Variants in UHRF1 observed in about 807,000 individuals in gnomAD.
UHRF1 encodes the protein ubiquitin like with PHD and ring finger domains 1.
In UHRF1, 9 loss-of-function variants were observed where a neutral mutation model predicts 96.5. That is an observed-to-expected ratio of 0.09 (90% CI 0.06 to 0.16). UHRF1 has a LOEUF of 0.16. UHRF1 is among the 10% of genes least tolerant of loss of function. The pLI, the probability that UHRF1 is intolerant of heterozygous loss-of-function variation, is 1.00. For missense variants in UHRF1, 626 were observed against 1,131.1 expected (o/e 0.55, Z 6.40); for synonymous variants, 455 against 469.9 (o/e 0.97, Z 0.41).
chr19:4,907,263 C>A (rs2032083156), upstream of UHRF1, among the ~76,000 whole-genome samples: 1 of 152,106 alleles, frequency 6.6e-6, no homozygotes, highest in Admixed American at 6.6e-5. Context: ...GCACACACCA[C>A]CCTGCCCAGC....
At chr19:4,941,445 G>T in intron 5 of UHRF1, 83 bp from the exon 6 acceptor site, 1 of 1,087,278 alleles carries the variant, frequency 9.2e-7, no homozygotes, top group Non-Finnish European at 1.4e-6. Context: ...CAGGCATCCC[G>T]AGAACCCGTG....
At position 4,909,528 on chromosome 19, in the gene UHRF1, G is replaced by C; in HGVS notation, c.-138G>C. 1 of 659,016 alleles carries C rather than the reference G, an allele frequency of 1.5e-6. No individual in the cohort carries two copies. Among genetic ancestry groups the C allele is most frequent in the South Asian group, 1.6e-5 (1 of 63,656 alleles). The allele number at this position is 659,016 out of a possible 1,614,324, so 40.8% of individuals were successfully genotyped here. A position where few individuals can be genotyped will look rare whatever the true frequency, so the allele number is the denominator to read the frequency against. ...AGCAGCTGGCAGCGCGGCGGGCAGC[G>C]TTTGCCGAGCGGGCGCTCCGGGTCG... On this transcript the variant is annotated 5_prime_UTR_variant, in exon 1 of 17. Coordinates refer to ENST00000650932, the MANE Select transcript of UHRF1 (RefSeq NM_001048201.3).
intron 13 of UHRF1, among the ~76,000 whole-genome samples, chr19:4,952,555 A>G (rs901788459): frequency 4.0e-5 from 6 of 148,746 alleles, no homozygotes; most frequent in Admixed American, 4.0e-4. Context: ...CACCATGCCC[A>G]GCTATTTTTG....
At chr19:4,928,884 CA>C in intron 2 of UHRF1, among the ~76,000 whole-genome samples, 1 of 152,340 alleles carries the variant, frequency 6.6e-6, no homozygotes, top group East Asian at 1.9e-4. Flanking sequence ...TTCACTGTCA[CA>C]AAAGCTGCCG....
At chr19:4,931,429 A>G (rs1328182391) in intron 4 of UHRF1, among the ~76,000 whole-genome samples, 1 of 150,960 alleles carries the variant, frequency 6.6e-6, no homozygotes. Flanking sequence ...GGTGCCCGCC[A>G]CCACACCCAG....
At position 4,930,163 on chromosome 19, in the gene UHRF1, C is replaced by T. The variant is rs1312598214; in HGVS notation, c.409-553C>T. Among the ~76,000 whole-genome samples the T allele has an allele frequency of 3.3e-5, 5 of 152,032 alleles. No individual in the cohort carries two copies. Among genetic ancestry groups the T allele is most frequent in the Non-Finnish European group, 5.9e-5 (4 of 68,012 alleles). Reference sequence around the variant, plus strand: ...CTAATTTTTGTATTTTTTGTAGAGACGGGATTTCGCCATGTTGGCCAGGCT... The same window carrying T: ...CTAATTTTTGTATTTTTTGTAGAGATGGGATTTCGCCATGTTGGCCAGGCT... On this transcript the variant is annotated intron_variant, in intron 3 of 16. Coordinates refer to ENST00000650932, the MANE Select transcript of UHRF1 (RefSeq NM_001048201.3). This position sits in a 1 kb window ranked among gnomAD's most constrained non-coding sequence, Gnocchi z 4.4.
intron 4 of UHRF1, among the ~76,000 whole-genome samples, chr19:4,931,714 G>A (rs1478645786): frequency 8.6e-5 from 13 of 151,880 alleles, no homozygotes; most frequent in African/African-American, 2.4e-4. Flanking sequence ...TGTTCCGCCC[G>A]CCTCAGCCTC....
At chr19:4,909,820 G>A (rs2032180616) in intron 1 of UHRF1, 165 bp downstream of exon 1, 2 of 424,790 alleles carry the variant, frequency 4.7e-6, no homozygotes, top group Non-Finnish European at 4.1e-6. Context: ...ATCGTTCCCC[G>A]GCACACATCC....
In UHRF1 at chr19:4,910,949, C is replaced by T. The variant is rs1482287015; in HGVS notation, c.64C>T (p.Leu22=). ...CCACACGGTGGACTCGCTGTCCAGG[C>T]TGACCAAGGTGGAGGAGCTGAGGCG... ...QTHTVDSLSR[L]TKVEELRRKI... The change falls in exon 2 of 17, where the codon CTG becomes TTG. Residue 22 remains leucine, a synonymous_variant. Coordinates refer to ENST00000650932, the MANE Select transcript of UHRF1 (RefSeq NM_001048201.3). The T allele has an allele frequency of 1.9e-6, 3 of 1,613,700 alleles. No individual in the cohort carries two copies. The highest frequency in any genetic ancestry group is 1.7e-4 in the Middle Eastern group (1 of 6,056).
chr19:4,928,232 C>T (rs534544667), intron 2 of UHRF1, among the ~76,000 whole-genome samples: 3 of 152,134 alleles, frequency 2.0e-5, no homozygotes, highest in Admixed American at 6.5e-5. Flanking sequence ...AGGATGGCTC[C>T]GCCCCAGAGA....
chr19:4,948,920 G>A (rs1270445809), intron 11 of UHRF1, among the ~76,000 whole-genome samples: 11 of 128,634 alleles, frequency 8.6e-5, no homozygotes, highest in East Asian at 2.2e-4. Context: ...TCAGGAGATC[G>A]AAACCATCCT....
chr19:4,928,440 C>T (rs1255454892), intron 2 of UHRF1, among the ~76,000 whole-genome samples: 1 of 152,138 alleles, frequency 6.6e-6, no homozygotes, highest in East Asian at 1.9e-4. Flanking sequence ...CCCCCAGATA[C>T]AGCTCAGGTG....
intron 7 of UHRF1, among the ~76,000 whole-genome samples, chr19:4,943,461 C>A (rs2033467644): frequency 6.6e-6 from 1 of 151,352 alleles, no homozygotes; most frequent in Non-Finnish European, 1.5e-5. Flanking sequence ...TGTGGTCATT[C>A]CTCCAGCACA....
At chr19:4,960,578 C>A in intron 16 of UHRF1, 79 bp from the exon 17 acceptor site, 1 of 1,558,252 alleles carries the variant, frequency 6.4e-7, no homozygotes, top group Non-Finnish European at 8.7e-7. Flanking sequence ...GAGACTGTCC[C>A]CACAGTCCTG....
At chr19:4,956,266 T>TACTGGTCTCAAGACCA (rs2033854689) in intron 15 of UHRF1, among the ~76,000 whole-genome samples, 1 of 152,206 alleles carries the variant, frequency 6.6e-6, no homozygotes, top group South Asian at 2.1e-4. Context: ...GGGGTCTCAC[T>TACTGGTCTCAAGACCA]GTATTGCCGG....
At chr19:4,926,020 C>T (rs544983769) in intron 2 of UHRF1, among the ~76,000 whole-genome samples, 48 of 152,298 alleles carry the variant, frequency 3.2e-4, no homozygotes, top group African/African-American at 1.1e-3. Flanking sequence ...TCCTCAGCCT[C>T]CCGAGTAGCT....
At chr19:4,903,680 T>C (rs2031996202) in intron 1 of UHRF1, 1 of 151,928 alleles carries the variant, frequency 6.6e-6, no homozygotes, top group South Asian at 2.1e-4. Context: ...TTTTTGTATT[T>C]TTAGTAGAGA....
At chr19:4,939,328 C>G (rs907168976) in intron 5 of UHRF1, among the ~76,000 whole-genome samples, 1 of 150,104 alleles carries the variant, frequency 6.7e-6, no homozygotes, top group African/African-American at 2.5e-5. Context: ...CCAAAAGGTG[C>G]TGGGATTATA....
Position 4,937,595 on chromosome 19 carries a change from C to T in UHRF1, c.786-3933C>T, listed in dbSNP as rs1225483118. Among the ~76,000 whole-genome samples the T allele has an allele frequency of 3.9e-5, 6 of 152,076 alleles. 1 individual carries two copies. The South Asian group carries it at 1.0e-3, about 26-fold the overall frequency. On this transcript the variant is annotated intron_variant, in intron 5 of 16. Transcript: ENST00000650932. ...GCCAGGCTGATCTTGAACTCCTGAC[C>T]TCAGGTGATCCGCCCGCCTTGGCCT...
Sources: gnomAD v4.1 joint callset for allele counts (sites outside exome capture counted in the v4.1 genomes callset) on GRCh38, gnomAD v4.1.1 for gene constraint, Gnocchi (gnomAD v3.1) non-coding constraint, MANE v1.5 for transcripts, NCBI Gene and HGNC (gene_info 2026-07-23, HGNC 2026-07-21) for gene names.